The following TBC1D8 variants were observed in gnomAD, a reference collection of about 807,000 sequenced individuals.
TBC1D8 encodes BUB2-like protein 1.
A neutral mutation model predicts 118.8 loss-of-function variants in TBC1D8; 65 were observed. The observed-to-expected ratio is 0.55, with a 90% CI of 0.45 to 0.67. The LOEUF is 0.67. TBC1D8 is among the 30% of genes least tolerant of loss of function. The pLI, the probability that TBC1D8 is intolerant of heterozygous loss-of-function variation, is 0.00. For missense variants in TBC1D8, 1,376 were observed against 1,471.2 expected, an observed-to-expected ratio of 0.94 and a Z score of 1.06; for synonymous variants, 566 against 595.8, an observed-to-expected ratio of 0.95 and a Z score of 0.73.
At chr2:101,123,915 C>G (rs1291280044) in intron 1 of TBC1D8, among the ~76,000 whole-genome samples, 1 of 152,188 alleles carries the variant, frequency 6.6e-6, no homozygotes, top group Non-Finnish European at 1.5e-5. Context: ...CTACACCAAA[C>G]CTCGGTGTTT....
At chr2:101,095,312 A>G (rs1476214265) in intron 1 of TBC1D8, among the ~76,000 whole-genome samples, 1 of 145,040 alleles carries the variant, frequency 6.9e-6, no homozygotes, top group Non-Finnish European at 1.5e-5. Flanking sequence ...CAGGTTTGTT[A>G]CATATGTATA....
intron 1 of TBC1D8, among the ~76,000 whole-genome samples, chr2:101,137,405 C>T (rs1285292411): frequency 2.6e-5 from 4 of 152,204 alleles, no homozygotes; most frequent in East Asian, 1.9e-4. Flanking sequence ...CTCCGCCTCC[C>T]GGGTTCACGC....
intron 1 of TBC1D8, among the ~76,000 whole-genome samples, chr2:101,094,676 C>T (rs1452265602): frequency 6.6e-6 from 1 of 152,146 alleles, no homozygotes; most frequent in African/African-American, 2.4e-5. Context: ...AAGGTCAGGA[C>T]ATTTTATGTC....
intron 1 of TBC1D8, among the ~76,000 whole-genome samples, chr2:101,124,855 T>A (rs1678283682): frequency 1.3e-5 from 2 of 152,210 alleles, no homozygotes; most frequent in South Asian, 4.1e-4. Flanking sequence ...TTTCGAAGCA[T>A]CTGGAGACGT....
rs538490319 is a variant in TBC1D8 at position 101,019,274 on chromosome 2, C to T, written c.2827+2407G>A. On this transcript the variant is annotated intron_variant, in intron 17 of 19. Coordinates refer to ENST00000409318, the MANE Select transcript of TBC1D8 (RefSeq NM_001330348.2). ...TTAAGTGAAGAGAATTCTTTAGGCACACAAATTCACATTTGATGTAATCTC... is the reference window on the plus strand; with the variant it reads ...TTAAGTGAAGAGAATTCTTTAGGCATACAAATTCACATTTGATGTAATCTC... 3 of 414,266 alleles carry T rather than the reference C, an allele frequency of 7.2e-6. No homozygotes were observed. In the Admixed American group the frequency reaches 1.1e-4, roughly 16 times the overall value. 25.7% of individuals were successfully genotyped at this position (414,266 alleles called of 1,614,324 possible). A position where few individuals can be genotyped will look rare whatever the true frequency, so the allele number is the denominator to read the frequency against.
At chr2:101,103,490 C>G (rs1379929370) in intron 1 of TBC1D8, among the ~76,000 whole-genome samples, 1 of 151,492 alleles carries the variant, frequency 6.6e-6, no homozygotes, top group African/African-American at 2.4e-5. Context: ...CTCCCAGGTT[C>G]ATGCCATTCT....
At chr2:101,011,359 G>T in intron 18 of TBC1D8, 92 bp downstream of exon 18, 1 of 1,241,572 alleles carries the variant, frequency 8.1e-7, no homozygotes, top group Non-Finnish European at 1.2e-6. Context: ...AAAAGACAAG[G>T]CTGCTACAAG....
At chr2:101,132,648 G>A (rs1432620944) in intron 1 of TBC1D8, among the ~76,000 whole-genome samples, 1 of 152,254 alleles carries the variant, frequency 6.6e-6, no homozygotes, top group Non-Finnish European at 1.5e-5. Flanking sequence ...GAGTGCAGTG[G>A]CATAAACACA....
At chr2:101,145,496 C>A (rs1208007850) in intron 1 of TBC1D8, among the ~76,000 whole-genome samples, 7 of 152,144 alleles carry the variant, frequency 4.6e-5, no homozygotes, top group Non-Finnish European at 1.0e-4. Context: ...CAAAATTCAC[C>A]AACAAACTCA....
At chr2:101,113,823 C>T (rs548593891) in intron 1 of TBC1D8, among the ~76,000 whole-genome samples, 5 of 152,128 alleles carry the variant, frequency 3.3e-5, no homozygotes, top group Non-Finnish European at 7.4e-5. Flanking sequence ...GGTTGCTCTG[C>T]GGCGGATTCC....
intron 2 of TBC1D8, among the ~76,000 whole-genome samples, chr2:101,060,692 C>T (rs954341921): frequency 6.6e-6 from 1 of 152,202 alleles, no homozygotes; most frequent in Non-Finnish European, 1.5e-5. Flanking sequence ...ACAGCAGATG[C>T]TCAGTAAGCA....
At chr2:101,086,274 A>G (rs985444959) in intron 2 of TBC1D8, among the ~76,000 whole-genome samples, 2 of 152,248 alleles carry the variant, frequency 1.3e-5, no homozygotes, top group African/African-American at 4.8e-5. Flanking sequence ...GATGAAAAAG[A>G]TAACAAAAAA....
At chr2:101,033,791 T>C (rs1339016221) in intron 9 of TBC1D8, 33 bp from the exon 10 acceptor site, 5 of 1,596,772 alleles carry the variant, frequency 3.1e-6, no homozygotes, top group Non-Finnish European at 4.3e-6. Flanking sequence ...CAAGGGGGAA[T>C]GATTACTAGG....
At chr2:101,068,562 T>C (rs866937538) in intron 2 of TBC1D8, 5 of 556,846 alleles carry the variant, frequency 9.0e-6, no homozygotes, top group Non-Finnish European at 1.7e-5. Context: ...TTAAAATCTC[T>C]GACTCTGGTA....
chr2:101,142,121 T>TA (rs966637762), intron 1 of TBC1D8, among the ~76,000 whole-genome samples: 3 of 152,150 alleles, frequency 2.0e-5, no homozygotes, highest in Admixed American at 6.5e-5. Context: ...AGGCTGGACT[T>TA]AAACTCCTAG....
At chr2:101,025,294 T>C (rs766027741) in intron 15 of TBC1D8, among the ~76,000 whole-genome samples, 13 of 152,176 alleles carry the variant, frequency 8.5e-5, no homozygotes, top group Admixed American at 1.3e-4. Context: ...GGCTATGATC[T>C]TGGCTCATTG....
chr2:101,103,367 A>C (rs1042787838), intron 1 of TBC1D8, among the ~76,000 whole-genome samples: 11 of 151,326 alleles, frequency 7.3e-5, no homozygotes, highest in African/African-American at 2.7e-4. Context: ...AAAAAAAAAA[A>C]ACTAAGGATC....
intron 5 of TBC1D8, among the ~76,000 whole-genome samples, chr2:101,046,757 G>C (rs1272258671): frequency 6.6e-6 from 1 of 152,140 alleles, no homozygotes; most frequent in African/African-American, 2.4e-5. Context: ...GAATCCGCCA[G>C]GCCATGAGGG....
intron 5 of TBC1D8, among the ~76,000 whole-genome samples, chr2:101,047,959 C>T (rs1681812453): frequency 6.6e-6 from 1 of 152,220 alleles, no homozygotes. Context: ...AAAAACACCA[C>T]ATCTGGAAGT....
Sources: gnomAD v4.1 joint callset for allele counts (sites outside exome capture counted in the v4.1 genomes callset) on GRCh38, gnomAD v4.1.1 for gene constraint, MANE v1.5 for transcripts, NCBI Gene and HGNC (gene_info 2026-07-23, HGNC 2026-07-21) for gene names.